TEX51: variants seen among roughly 807,000 people sequenced by gnomAD.
TEX51 encodes the protein testis expressed 51, also known as testis-expressed protein 51.
A neutral mutation model predicts 8.0 loss-of-function variants in TEX51; 14 were observed. The observed-to-expected ratio is 1.76, with a 90% CI of 1.16 to 2.75. The LOEUF (loss-of-function observed/expected upper bound fraction) is 2.75, where lower values mean the gene tolerates loss of function less well. Among genes scored for constraint, TEX51 ranks in the 30% most tolerant of loss-of-function variants. The pLI, the probability that TEX51 is intolerant of heterozygous loss-of-function variation, is 0.00. For missense variants in TEX51, 142 were observed against 77.4 expected (o/e 1.83, Z -3.13); for synonymous variants, 58 against 28.6 (o/e 2.03, Z -3.29).
chr2:126,899,606 G>A lies in TEX51; in HGVS notation c.304G>A (p.Glu102Lys), dbSNP rs749448347. ...GAATAAGATATCTGATGGGCTGAAG[G>A]AGAAGGGTAAGGGGTGGGGACGATC... ...RLNKISDGLKEKDIQSTLKVT... is the reference protein window; with the variant it reads ...RLNKISDGLKKKDIQSTLKVT... Residue 102 changes from glutamate (E) to lysine (K), a missense_variant, in exon 3 of 7, where the codon GAG (glutamate) becomes AAG (lysine). Glu to Lys is a moderately conservative substitution (Grantham distance 56). Coordinates refer to ENST00000568484, the MANE Select transcript of TEX51 (RefSeq NM_001322244.2). 5.7e-6 allele frequency: 4 copies of A among 701,844 alleles called. No individual in the cohort carries two copies. The highest frequency in any genetic ancestry group is 4.4e-5 in the South Asian group (3 of 67,536). The allele number at this position is 701,844 out of a possible 1,614,324, so 43.5% of individuals were successfully genotyped here.
At chr2:126,899,174 T>C in intron 1 of TEX51, 43 bp from the exon 2 acceptor site, 1 of 702,294 alleles carries the variant, frequency 1.4e-6, no homozygotes, top group Middle Eastern at 2.3e-4. Flanking sequence ...TGACCTGGGA[T>C]CTTACTCCCT....
chr2:126,899,492 C>G (rs1680203023), intron 2 of TEX51, 31 bp from the exon 3 acceptor site: 1 of 693,576 alleles, frequency 1.4e-6, no homozygotes, highest in East Asian at 2.7e-5. Context: ...AGTTGTAACC[C>G]TGAACACCCC....
chr2:126,902,034 G>C lies in TEX51; in HGVS notation c.*165G>C, dbSNP rs185165799. ...GAGGCCTAGGAGACTGCGCTGTCTC[G>C]TGGTTTGCCTACTCCTACACCTTTG... On this transcript the variant is annotated 3_prime_UTR_variant, in exon 7 of 7. Coordinates refer to ENST00000568484, the MANE Select transcript of TEX51 (RefSeq NM_001322244.2). 4.7e-5 allele frequency: 24 copies of C among 512,050 alleles called. No homozygotes were observed. The highest frequency in any genetic ancestry group is 7.3e-5 in the Non-Finnish European group (21 of 289,330). 31.7% of individuals were successfully genotyped at this position (512,050 alleles called of 1,614,324 possible).
At position 126,902,039 on chromosome 2, in the gene TEX51, T is replaced by C; in HGVS notation, c.*170T>C. On this transcript the variant is annotated 3_prime_UTR_variant, in exon 7 of 7. Coordinates refer to ENST00000568484, the MANE Select transcript of TEX51 (RefSeq NM_001322244.2). ...CTAGGAGACTGCGCTGTCTCGTGGT[T>C]TGCCTACTCCTACACCTTTGTAAAG... The C allele has an allele frequency of 2.0e-6, 1 of 509,306 alleles. No homozygotes were observed. Among genetic ancestry groups the C allele is most frequent in the Non-Finnish European group, 3.5e-6 (1 of 287,640 alleles). The allele number at this position is 509,306 out of a possible 1,614,324, so 31.5% of individuals were successfully genotyped here.
At chr2:126,899,377 A>G in intron 2 of TEX51, 86 bp downstream of exon 2, 3 of 695,634 alleles carry the variant, frequency 4.3e-6, no homozygotes, top group South Asian at 3.0e-5. Context: ...CCATGTGGCC[A>G]TGGGTGGGAG....
In TEX51 at chr2:126,902,029, G is replaced by A. The variant is rs180677110; in HGVS notation, c.*160G>A. On this transcript the variant is annotated 3_prime_UTR_variant, in exon 7 of 7. Coordinates refer to ENST00000568484, the MANE Select transcript of TEX51 (RefSeq NM_001322244.2). Reference sequence around the variant, plus strand: ...GCTCTGAGGCCTAGGAGACTGCGCTGTCTCGTGGTTTGCCTACTCCTACAC... The same window carrying A: ...GCTCTGAGGCCTAGGAGACTGCGCTATCTCGTGGTTTGCCTACTCCTACAC... The A allele has an allele frequency of 1.2e-5, 6 of 519,174 alleles. No homozygotes were observed. The East Asian group carries it at 2.0e-4, about 18-fold the overall frequency. The allele number at this position is 519,174 out of a possible 1,614,324, so 32.2% of individuals were successfully genotyped here.
At chr2:126,899,418 T>TG in intron 2 of TEX51, 105 bp from the exon 3 acceptor site, 1 of 679,746 alleles carries the variant, frequency 1.5e-6, no homozygotes, top group East Asian at 2.7e-5. Flanking sequence ...GAATGCAGTC[T>TG]GTCTCCGTGT....
intron 3 of TEX51, 156 bp downstream of exon 3, chr2:126,899,768 C>T (rs1225006579): frequency 5.7e-6 from 4 of 701,942 alleles, no homozygotes; most frequent in Non-Finnish European, 1.0e-5. Flanking sequence ...ACTTGCACCC[C>T]AGAACCCCTT....
intron 5 of TEX51, 42 bp downstream of exon 5, chr2:126,901,320 G>GAC: frequency 1.4e-6 from 1 of 702,002 alleles, no homozygotes; most frequent in Non-Finnish European, 2.6e-6. Flanking sequence ...CCCCAGGGAA[G>GAC]ACACACCTAT....
chr2:126,899,853 G>T (rs1156842676), intron 3 of TEX51, 83 bp from the exon 4 acceptor site: 1 of 702,184 alleles, frequency 1.4e-6, no homozygotes, highest in Non-Finnish European at 2.6e-6. Context: ...TGAGTCCTGT[G>T]GTGAGTATGC....
chr2:126,900,525 A>G (rs906379961), intron 4 of TEX51, among the ~76,000 whole-genome samples: 3 of 152,070 alleles, frequency 2.0e-5, no homozygotes, highest in African/African-American at 7.2e-5. Context: ...CTCCTAAACC[A>G]GGAATCTCCC....
At chr2:126,899,801 C>T (rs777163261) in intron 3 of TEX51, 135 bp from the exon 4 acceptor site, 2 of 702,202 alleles carry the variant, frequency 2.8e-6, no homozygotes, top group Non-Finnish European at 5.2e-6. Context: ...CTCCCCAGCA[C>T]CTCAGTTTCT....
intron 2 of TEX51, 24 bp from the exon 3 acceptor site, chr2:126,899,499 C>T: frequency 1.4e-6 from 1 of 695,714 alleles, no homozygotes; most frequent in Non-Finnish European, 2.6e-6. Flanking sequence ...ACCCTGAACA[C>T]CCCTTCCCTC....
chr2:126,902,008 T>A lies in TEX51; in HGVS notation c.*139T>A. ...CCTGGGTCCTGGGGCCCCAAAGCTCTGAGGCCTAGGAGACTGCGCTGTCTC... is the reference window on the plus strand; with the variant it reads ...CCTGGGTCCTGGGGCCCCAAAGCTCAGAGGCCTAGGAGACTGCGCTGTCTC... On this transcript the variant is annotated 3_prime_UTR_variant, in exon 7 of 7. Coordinates refer to ENST00000568484, the MANE Select transcript of TEX51 (RefSeq NM_001322244.2). 1 of 571,082 alleles carries A rather than the reference T, an allele frequency of 1.8e-6. No homozygotes were observed. Among genetic ancestry groups the A allele is most frequent in the East Asian group, 3.2e-5 (1 of 31,362 alleles). The allele number at this position is 571,082 out of a possible 1,614,324, so 35.4% of individuals were successfully genotyped here. A position where few individuals can be genotyped will look rare whatever the true frequency, so the allele number is the denominator to read the frequency against.
chr2:126,899,745 G>A (rs537903484), intron 3 of TEX51, 133 bp downstream of exon 3: 13 of 700,310 alleles, frequency 1.9e-5, no homozygotes, highest in Middle Eastern at 2.3e-4. Flanking sequence ...ATGCCTTCCC[G>A]GCTCCATCTC....
In TEX51 at chr2:126,898,892, TG is replaced by T. The variant is rs1680162042; in HGVS notation, c.-23del. 1 of 690,900 alleles carries T rather than the reference TG, an allele frequency of 1.4e-6. No individual in the cohort carries two copies. The highest frequency in any genetic ancestry group is 1.8e-5 in the African/African-American group (1 of 57,032). 42.8% of individuals were successfully genotyped at this position (690,900 alleles called of 1,614,324 possible). On this transcript the variant is annotated 5_prime_UTR_variant, in exon 1 of 7. Coordinates refer to ENST00000568484, the MANE Select transcript of TEX51 (RefSeq NM_001322244.2). ...CACGTGGAACTTCCAGGCAGGGCAC[TG>T]GGGCACAGTAGGAGGAACCCAGAAG... is the stretch of plus-strand genomic sequence containing the variant.
At position 126,901,268 on chromosome 2, in the gene TEX51, C is replaced by T; in HGVS notation, c.453C>T (p.Ala151=). 2 of 698,980 alleles carry T rather than the reference C, an allele frequency of 2.9e-6. No individual in the cohort carries two copies. The highest frequency in any genetic ancestry group is 1.5e-5 in the South Asian group (1 of 67,080). 43.3% of individuals were successfully genotyped at this position (698,980 alleles called of 1,614,324 possible). Residue 151 remains alanine (A), a synonymous_variant, in exon 5 of 7, where the codon GCC becomes GCT. Coordinates refer to ENST00000568484, the MANE Select transcript of TEX51 (RefSeq NM_001322244.2). ...AVSLSSALLL[A]IAGDVSFTGK... is the part of the protein sequence containing the mutation. ...GTCTCAGCAGTGCTCTACTCCTGGC[C>T]ATAGCTGGAGGTGGGTGAGTGACCT... is the stretch of plus-strand genomic sequence containing the variant.
In TEX51 at chr2:126,901,345, C is replaced by T. The variant is rs1194756480; in HGVS notation, c.464-20C>T. The T allele has an allele frequency of 1.3e-5, 9 of 702,238 alleles. No homozygotes were observed. The highest frequency in any genetic ancestry group is 5.2e-6 in the Non-Finnish European group (2 of 384,812). The allele number at this position is 702,238 out of a possible 1,614,324, so 43.5% of individuals were successfully genotyped here. ...GACACACCTATTCCCTGACTGACTC[C>T]ACCCTGTTTCTTGGCCCAGATGTTT... On this transcript the variant is annotated intron_variant, in intron 5 of 6. Coordinates refer to ENST00000568484, the MANE Select transcript of TEX51 (RefSeq NM_001322244.2).
intron 4 of TEX51, 130 bp from the exon 5 acceptor site, chr2:126,901,080 G>A (rs947923431): frequency 8.1e-5 from 46 of 567,420 alleles, no homozygotes; most frequent in African/African-American, 3.7e-4. Context: ...GGCGCACAGC[G>A]TGCTCAGTAA....
Sources: allele counts gnomAD v4.1 joint callset (sites outside exome capture counted in the v4.1 genomes callset), GRCh38; gene constraint gnomAD v4.1.1; transcripts MANE v1.5; gene names NCBI Gene and HGNC (gene_info 2026-07-23, HGNC 2026-07-21).